Variants in KSR2 observed in about 807,000 individuals in gnomAD.
The protein encoded by KSR2 is kinase suppressor of ras 2.
A neutral mutation model predicts 107.8 loss-of-function variants in KSR2; 25 were observed. The observed-to-expected ratio is 0.23, with a 90% CI of 0.17 to 0.32. KSR2 has a LOEUF of 0.32. Among genes scored for constraint, KSR2 ranks in the 10% least tolerant of loss-of-function variants. The pLI is 1.00. For synonymous variants in KSR2, 480 were observed against 507.0 expected, an observed-to-expected ratio of 0.95 and a Z score of 0.71; for missense variants, 887 against 1,268.9, an observed-to-expected ratio of 0.70 and a Z score of 4.57.
chr12:117,576,910 C>T (rs948743454), intron 7 of KSR2, among the ~76,000 whole-genome samples: 7 of 152,174 alleles, frequency 4.6e-5, no homozygotes, highest in African/African-American at 1.7e-4. Flanking sequence ...CCTGCCTCAG[C>T]CTCCCAAAGT....
chr12:117,467,214 G>A lies in KSR2; in HGVS notation c.2847-9C>T, dbSNP rs772470897. ...TGTCCAAAGGTCACAGCCTGGAGTG[G>A]GGAGAGAAGGGAGAGAGTGGTGAGA... On this transcript the variant is annotated splice_polypyrimidine_tract_variant and intron_variant, in intron 19 of 19. Coordinates refer to ENST00000339824, the MANE Select transcript of KSR2 (RefSeq NM_173598.6). 2.7e-6 allele frequency: 2 copies of A among 732,558 alleles called. No individual in the cohort carries two copies. The highest frequency in any genetic ancestry group is 5.0e-6 in the Non-Finnish European group (2 of 397,712). The allele number at this position is 732,558 out of a possible 1,614,324, so 45.4% of individuals were successfully genotyped here.
At chr12:117,858,746 G>T (rs1489995136) in intron 2 of KSR2, among the ~76,000 whole-genome samples, 3 of 152,182 alleles carry the variant, frequency 2.0e-5, no homozygotes, top group Non-Finnish European at 4.4e-5. Context: ...TGGACATCCT[G>T]CTAGCCCCAT....
chr12:117,484,522 T>C lies in KSR2; in HGVS notation c.2344A>G (p.Ile782Val). ...TTTGACTTGAGGTCCTTGTGTAGGA[T>C]TCCCTTGGCGTGGAGGTAGCCCATG... is the stretch of plus-strand genomic sequence containing the variant. ...KGMGYLHAKGILHKDLKSKNV... is the reference protein window; with the variant it reads ...KGMGYLHAKGVLHKDLKSKNV... The change falls in exon 16 of 20, where the codon ATC becomes GTC. Residue 782 changes from isoleucine (I) to valine (V), a missense_variant. By Grantham distance (29) the Ile-to-Val change is conservative. Around this residue, in one of 8 missense-constraint regions of KSR2, gnomAD observed 308 missense variants for 506.2 expected, o/e 0.61. Coordinates refer to ENST00000339824, the MANE Select transcript of KSR2 (RefSeq NM_173598.6). 6.2e-7 allele frequency: 1 copy of C among 1,613,968 alleles called. No individual in the cohort carries two copies. Among genetic ancestry groups the C allele is most frequent in the Admixed American group, 1.7e-5 (1 of 60,020 alleles).
chr12:117,531,120 A>C lies in KSR2; in HGVS notation c.1730-107T>G, dbSNP rs914952298. The C allele has an allele frequency of 3.4e-6, 3 of 891,828 alleles. No homozygotes were observed. In the African/African-American group the frequency reaches 4.9e-5, roughly 15 times the overall value. The allele number at this position is 891,828 out of a possible 1,614,324, so 55.2% of individuals were successfully genotyped here. A position where few individuals can be genotyped will look rare whatever the true frequency, so the allele number is the denominator to read the frequency against. The stretch of plus-strand genomic sequence containing the variant: ...CAGCCAATTTTTCACCAGATCTTGG[A>C]TCTCTGCCCTTGGCCAATCTCCTTT... On this transcript the variant is annotated intron_variant, in intron 11 of 19. Transcript: ENST00000339824.
chr12:117,531,570 C>T, intron 11 of KSR2, 96 bp downstream of exon 11: 4 of 1,033,544 alleles, frequency 3.9e-6, no homozygotes. Context: ...TGATCTTAGG[C>T]ACCCCCACAA....
intron 4 of KSR2, among the ~76,000 whole-genome samples, chr12:117,676,871 A>G (rs1376072031): frequency 6.6e-6 from 1 of 152,238 alleles, no homozygotes; most frequent in Admixed American, 6.5e-5. Context: ...AGCGTTATTC[A>G]TAAGGGCCAC....
intron 1 of KSR2, among the ~76,000 whole-genome samples, chr12:117,876,891 T>G (rs769533357): frequency 7.2e-5 from 11 of 152,068 alleles, no homozygotes; most frequent in African/African-American, 2.7e-4. Context: ...CTTTGCATTA[T>G]ACATCATGAG....
chr12:117,538,762 A>G (rs576292350), intron 10 of KSR2, among the ~76,000 whole-genome samples: 1 of 152,234 alleles, frequency 6.6e-6, no homozygotes, highest in Non-Finnish European at 1.5e-5. Flanking sequence ...TTAAATGTAA[A>G]TAGCCACACA....
intron 7 of KSR2, among the ~76,000 whole-genome samples, chr12:117,571,713 G>A (rs1012172824): frequency 3.3e-5 from 5 of 152,178 alleles, no homozygotes; most frequent in African/African-American, 1.2e-4. Flanking sequence ...TAAGGCTCAA[G>A]CATCTATGAA....
chr12:117,838,546 C>T (rs936919112), intron 3 of KSR2, among the ~76,000 whole-genome samples: 3 of 152,146 alleles, frequency 2.0e-5, no homozygotes, highest in South Asian at 4.1e-4. Flanking sequence ...GCTGTGTGAC[C>T]CTAGGCATCT....
At chr12:117,579,485 G>A (rs185749638) in intron 6 of KSR2, among the ~76,000 whole-genome samples, 6 of 148,456 alleles carry the variant, frequency 4.0e-5, no homozygotes, top group Non-Finnish European at 5.9e-5. Flanking sequence ...GTAAGCACTC[G>A]ATAAATTGGG....
intron 9 of KSR2, among the ~76,000 whole-genome samples, chr12:117,553,846 CCT>C (rs546688661): frequency 6.7e-6 from 1 of 148,756 alleles, no homozygotes; most frequent in Non-Finnish European, 1.5e-5. Context: ...CCTCCCCTCT[CCT>C]CTCTCTCTCT....
In KSR2 at chr12:117,813,287, G is replaced by A. The variant is rs150951232; in HGVS notation, c.472+42141C>T. Reference sequence around the variant, plus strand: ...CAAAAGCAAAAAAATAGACAAATGGGATTATATCAAACTAAAAAGCATCTA... The same window carrying A: ...CAAAAGCAAAAAAATAGACAAATGGAATTATATCAAACTAAAAAGCATCTA... On this transcript the variant is annotated intron_variant, in intron 3 of 19. Transcript: ENST00000339824. 4.0e-5 allele frequency among the ~76,000 whole-genome samples: 6 copies of A among 150,878 alleles called. No individual in the cohort carries two copies. The East Asian group carries it at 1.2e-3, about 30-fold the overall frequency.
intron 1 of KSR2, among the ~76,000 whole-genome samples, chr12:117,865,108 A>G (rs939238199): frequency 1.1e-4 from 16 of 152,268 alleles, no homozygotes; most frequent in East Asian, 1.9e-4. Context: ...AAAATAAAAA[A>G]CTAATCAGGT....
intron 1 of KSR2, among the ~76,000 whole-genome samples, chr12:117,927,093 C>T (rs756344778): frequency 1.6e-4 from 24 of 151,998 alleles, no homozygotes; most frequent in Non-Finnish European, 2.1e-4. Context: ...GGACCATGGC[C>T]GGGCACGGTG....
chr12:117,701,258 A>G (rs1444189679), intron 4 of KSR2, among the ~76,000 whole-genome samples: 1 of 152,056 alleles, frequency 6.6e-6, no homozygotes, highest in Non-Finnish European at 1.5e-5. Flanking sequence ...ACACCCAGCT[A>G]ATTTTTGTAT....
chr12:117,851,974 A>G (rs1485623604), intron 3 of KSR2, among the ~76,000 whole-genome samples: 1 of 152,136 alleles, frequency 6.6e-6, no homozygotes, highest in East Asian at 1.9e-4. Flanking sequence ...CATCTTCATC[A>G]TGCATAAGAA....
intron 9 of KSR2, among the ~76,000 whole-genome samples, chr12:117,542,058 A>T (rs1046581776): frequency 3.3e-5 from 5 of 151,800 alleles, no homozygotes; most frequent in African/African-American, 4.8e-5. Flanking sequence ...GCTTTAAAAC[A>T]CTTTTTTTGG....
At chr12:117,586,320 C>T (rs1318198726) in intron 5 of KSR2, among the ~76,000 whole-genome samples, 1 of 152,102 alleles carries the variant, frequency 6.6e-6, no homozygotes, top group Non-Finnish European at 1.5e-5. Context: ...GGTGCGGTGA[C>T]TCACACCTGT....
Sources: allele counts gnomAD v4.1 joint callset (sites outside exome capture counted in the v4.1 genomes callset), GRCh38; gene constraint gnomAD v4.1.1; regional missense constraint gnomAD v4.1.1; transcripts MANE v1.5; gene names NCBI Gene and HGNC (gene_info 2026-07-23, HGNC 2026-07-21).